The following PKHD1 variants were observed in gnomAD, a reference collection of about 807,000 sequenced individuals.
PKHD1 encodes fibrocystin.
In PKHD1, 291 loss-of-function variants were observed where a neutral mutation model predicts 412.0. That is an observed-to-expected ratio of 0.71 (90% CI 0.64 to 0.78). PKHD1 has a LOEUF of 0.78. Ranked by LOEUF, PKHD1 falls within the 30% of genes least tolerant of loss-of-function variation. The pLI, the probability that PKHD1 is intolerant of heterozygous loss-of-function variation, is 0.00. For missense variants in PKHD1, 4,825 were observed against 4,950.7 expected, an observed-to-expected ratio of 0.97 and a Z score of 0.76; for synonymous variants, 1,777 against 1,821.5, an observed-to-expected ratio of 0.98 and a Z score of 0.62.
At chr6:51,818,741 G>A (rs1303344559) in intron 52 of PKHD1, among the ~76,000 whole-genome samples, 2 of 152,172 alleles carry the variant, frequency 1.3e-5, no homozygotes, top group Admixed American at 6.5e-5. Flanking sequence ...GATGTAAACA[G>A]AAGTGTCATG....
intron 35 of PKHD1, among the ~76,000 whole-genome samples, chr6:51,982,065 GA>G: frequency 1.5e-5 from 1 of 67,344 alleles, no homozygotes; most frequent in Non-Finnish European, 3.9e-5. Flanking sequence ...GAGAAGTGAG[GA>G]AACCCTCTGC....
chr6:51,616,560 C>G lies in PKHD1; in HGVS notation c.*2521G>C. The G allele has an allele frequency of 2.6e-6, 1 of 388,656 alleles. No homozygotes were observed. Among genetic ancestry groups the G allele is most frequent in the Non-Finnish European group, 4.5e-6 (1 of 220,822 alleles). The allele number at this position is 388,656 out of a possible 1,614,324, so 24.1% of individuals were successfully genotyped here. A position where few individuals can be genotyped will look rare whatever the true frequency, so the allele number is the denominator to read the frequency against. ...TTTTTTTTAGGAGAAAGAGGAGTAG[C>G]TTAACTATGGGTTGAGGAATTTTAG... On this transcript the variant is annotated 3_prime_UTR_variant, in exon 67 of 67. Coordinates refer to ENST00000371117, the MANE Select transcript of PKHD1 (RefSeq NM_138694.4).
At chr6:51,705,561 T>C (rs567968289) in intron 60 of PKHD1, among the ~76,000 whole-genome samples, 51 of 152,230 alleles carry the variant, frequency 3.4e-4, no homozygotes, top group Non-Finnish European at 7.1e-4. Context: ...TCCTCAGAAC[T>C]CCACGATACA....
chr6:52,048,384 A>T (rs1806196013), intron 23 of PKHD1, 108 bp downstream of exon 23: 4 of 1,095,026 alleles, frequency 3.7e-6, no homozygotes, highest in Middle Eastern at 2.0e-4. Flanking sequence ...TAAATAAAAT[A>T]GCTTTAATAT....
At chr6:51,903,274 CT>C (rs1781552572) in intron 43 of PKHD1, among the ~76,000 whole-genome samples, 1 of 152,218 alleles carries the variant, frequency 6.6e-6, no homozygotes, top group Non-Finnish European at 1.5e-5. Context: ...CACACCACCA[CT>C]AACGCTGCCA....
intron 52 of PKHD1, among the ~76,000 whole-genome samples, chr6:51,815,434 AAAAT>A (rs763236684): frequency 1.3e-5 from 2 of 152,210 alleles, no homozygotes; most frequent in African/African-American, 2.4e-5. Context: ...TTAAAGGACA[AAAAT>A]AAATAAGCTG....
chr6:51,913,495 T>A (rs1783299549), intron 37 of PKHD1, among the ~76,000 whole-genome samples: 1 of 152,046 alleles, frequency 6.6e-6, no homozygotes, highest in Non-Finnish European at 1.5e-5. Flanking sequence ...AGGCACAGAT[T>A]TTTTCAAGGC....
chr6:51,740,134 G>C (rs572635466), intron 60 of PKHD1: 3 of 446,344 alleles, frequency 6.7e-6, no homozygotes, highest in African/African-American at 6.0e-5. Flanking sequence ...GAGCTGTCTT[G>C]CTCTCTACTG....
At chr6:51,776,555 T>C (rs566283281) in intron 53 of PKHD1, among the ~76,000 whole-genome samples, 13 of 152,048 alleles carry the variant, frequency 8.5e-5, no homozygotes, top group Non-Finnish European at 1.8e-4. Context: ...AATCTCTTTA[T>C]ATGCATTTTA....
intron 16 of PKHD1, among the ~76,000 whole-genome samples, chr6:52,057,336 C>T (rs1172924204): frequency 2.0e-5 from 3 of 152,176 alleles, no homozygotes; most frequent in Non-Finnish European, 4.4e-5. Context: ...CTCTTGGAGG[C>T]TTATGCAGTC....
In PKHD1 at chr6:51,658,962, T is replaced by A; in HGVS notation, c.11164A>T (p.Ile3722Phe). ...ALLVTQSKGV[I>F]GYGNTSSFKT... ...ATAATTAGTACTTACCCATAGCCAATGACTCCCTTTGACTGAGTAACTAGT... is the reference window on the plus strand; with the variant it reads ...ATAATTAGTACTTACCCATAGCCAAAGACTCCCTTTGACTGAGTAACTAGT... Residue 3722 changes from isoleucine (I) to phenylalanine (F), a missense_variant, in exon 61 of 67, where the codon ATT (isoleucine) becomes TTT (phenylalanine). Physicochemically the swap from Ile to Phe is conservative, Grantham distance 21 (BLOSUM62 0). Transcript: ENST00000371117. 1 of 1,608,490 alleles carries A rather than the reference T, an allele frequency of 6.2e-7. No homozygotes were observed. The highest frequency in any genetic ancestry group is 1.1e-5 in the South Asian group (1 of 90,946).
intron 35 of PKHD1, among the ~76,000 whole-genome samples, chr6:51,968,965 A>G (rs1793251531): frequency 6.6e-6 from 1 of 152,216 alleles, no homozygotes; most frequent in African/African-American, 2.4e-5. Context: ...GAGCCTGTGA[A>G]TATGATGGGC....
intron 47 of PKHD1, 73 bp downstream of exon 47, chr6:51,870,431 T>C: frequency 8.4e-7 from 1 of 1,188,406 alleles, no homozygotes; most frequent in Non-Finnish European, 1.3e-6. Context: ...TCACAAAGTA[T>C]TTGCCACTAT....
At chr6:51,768,542 T>C (rs2151108862) in intron 55 of PKHD1, among the ~76,000 whole-genome samples, 1 of 152,152 alleles carries the variant, frequency 6.6e-6, no homozygotes, top group Admixed American at 6.6e-5. Context: ...TAAAAAGATG[T>C]TGATGTGCAT....
At chr6:51,624,764 A>T (rs530421955) in intron 66 of PKHD1, among the ~76,000 whole-genome samples, 4 of 152,308 alleles carry the variant, frequency 2.6e-5, no homozygotes, top group Admixed American at 6.5e-5. Flanking sequence ...GGCCAGTATC[A>T]CTAGGGCCAT....
chr6:51,741,915 A>G (rs1455191715), intron 60 of PKHD1, among the ~76,000 whole-genome samples: 1 of 152,228 alleles, frequency 6.6e-6, no homozygotes, highest in Non-Finnish European at 1.5e-5. Flanking sequence ...TTCCAAAGAA[A>G]TGGGATCCTC....
intron 64 of PKHD1, among the ~76,000 whole-genome samples, chr6:51,635,781 T>TG (rs1190392805): frequency 1.4e-5 from 2 of 144,790 alleles, no homozygotes; most frequent in African/African-American, 5.1e-5. Flanking sequence ...CGTGACTTTC[T>TG]GGGGGGAGAA....
intron 52 of PKHD1, among the ~76,000 whole-genome samples, chr6:51,804,870 C>G (rs970553964): frequency 6.6e-6 from 1 of 151,880 alleles, no homozygotes; most frequent in African/African-American, 2.4e-5. Context: ...ATTAAAAAGT[C>G]AAAAAATAAT....
intron 60 of PKHD1, among the ~76,000 whole-genome samples, chr6:51,670,615 G>A (rs9357703): frequency 0.5 from 75,250 of 151,014 alleles, 21,466 homozygotes; most frequent in Non-Finnish European, 0.65. Context: ...TATTTTGCTC[G>A]TTAGTTCATG....
Sources: gnomAD v4.1 joint callset for allele counts (sites outside exome capture counted in the v4.1 genomes callset) on GRCh38, gnomAD v4.1.1 for gene constraint, MANE v1.5 for transcripts, NCBI Gene and HGNC (gene_info 2026-07-23, HGNC 2026-07-21) for gene names.